Variants in PXDNL observed in about 807,000 individuals in gnomAD.
The protein encoded by PXDNL is peroxidasin like.
PXDNL carries 145 observed loss-of-function variants against 150.8 expected under a neutral mutation model. That is an observed-to-expected ratio of 0.96 (90% CI 0.84 to 1.10). The LOEUF (loss-of-function observed/expected upper bound fraction) is 1.10, where lower values mean the gene tolerates loss of function less well. PXDNL is among the 50% of genes least tolerant of loss of function. The pLI, the probability that PXDNL is intolerant of heterozygous loss-of-function variation, is 0.00. For missense variants in PXDNL, 2,087 were observed against 1,873.9 expected (o/e 1.11, Z -2.10); for synonymous variants, 757 against 725.7 (o/e 1.04, Z -0.69).
At chr8:51,578,292 A>T (rs1813134028) in intron 3 of PXDNL, among the ~76,000 whole-genome samples, 1 of 151,974 alleles carries the variant, frequency 6.6e-6, no homozygotes, top group African/African-American at 2.4e-5. Flanking sequence ...GTCACAGTAT[A>T]CAAGGGAATA....
At chr8:51,369,928 A>G (rs1807046717) in intron 19 of PXDNL, among the ~76,000 whole-genome samples, 2 of 152,176 alleles carry the variant, frequency 1.3e-5, no homozygotes. Context: ...CCGAGTCTTC[A>G]ACATGGAACA....
At chr8:51,412,438 A>G (rs1424557210) in intron 15 of PXDNL, among the ~76,000 whole-genome samples, 1 of 152,200 alleles carries the variant, frequency 6.6e-6, no homozygotes, top group African/African-American at 2.4e-5. Context: ...GACAGAAAGT[A>G]ATGAAGTGAG....
chr8:51,661,002 C>T (rs533225659), intron 1 of PXDNL, among the ~76,000 whole-genome samples: 3 of 152,316 alleles, frequency 2.0e-5, no homozygotes, highest in Non-Finnish European at 2.9e-5. Flanking sequence ...GGGACACTGC[C>T]GCACTGCCCG....
chr8:51,768,267 T>G (rs530932895), intron 1 of PXDNL, among the ~76,000 whole-genome samples: 24 of 152,242 alleles, frequency 1.6e-4, no homozygotes, highest in South Asian at 8.3e-4. Flanking sequence ...GTGTTTTTTT[T>G]TTTTTGTTTT....
At chr8:51,434,762 G>C (rs1037990749) in intron 12 of PXDNL, among the ~76,000 whole-genome samples, 1 of 152,106 alleles carries the variant, frequency 6.6e-6, no homozygotes, top group African/African-American at 2.4e-5. Context: ...GCATTTATTA[G>C]ATGAGGAAAC....
chr8:51,579,491 G>A (rs180867187), intron 3 of PXDNL, among the ~76,000 whole-genome samples: 2 of 152,180 alleles, frequency 1.3e-5, no homozygotes, highest in Non-Finnish European at 2.9e-5. Context: ...ACATACTGGT[G>A]AGAATATAAA....
intron 1 of PXDNL, among the ~76,000 whole-genome samples, chr8:51,655,924 C>T (rs982355946): frequency 6.6e-6 from 1 of 152,116 alleles, no homozygotes; most frequent in Non-Finnish European, 1.5e-5. Flanking sequence ...TTGCCTGAGA[C>T]CAAATTTACT....
intron 1 of PXDNL, among the ~76,000 whole-genome samples, chr8:51,782,840 T>G (rs1384324248): frequency 2.0e-5 from 3 of 152,200 alleles, no homozygotes; most frequent in Non-Finnish European, 4.4e-5. Flanking sequence ...GAAAATTCAC[T>G]TTAGTGGCTT....
intron 17 of PXDNL, among the ~76,000 whole-genome samples, chr8:51,387,482 T>C (rs1163643962): frequency 6.6e-6 from 1 of 152,000 alleles, no homozygotes; most frequent in Non-Finnish European, 1.5e-5. Context: ...TAGGAAAAAA[T>C]CCTGAGAGAG....
chr8:51,359,090 A>G (rs948308762), intron 19 of PXDNL, among the ~76,000 whole-genome samples: 11 of 152,164 alleles, frequency 7.2e-5, no homozygotes, highest in African/African-American at 2.7e-4. Flanking sequence ...AGCCCAGCCC[A>G]GTGAACCTGT....
In PXDNL at chr8:51,447,177, A is replaced by G. The variant is rs764892422; in HGVS notation, c.1367-15T>C. On this transcript the variant is annotated splice_polypyrimidine_tract_variant and intron_variant, in intron 11 of 22. Transcript: ENST00000356297. Reference sequence around the variant, plus strand: ...GAGCTGCCCTCCTGCAAAAAGAGGTAAAGAAAGTATTCTTCATGGCCCAGA... The same window carrying G: ...GAGCTGCCCTCCTGCAAAAAGAGGTGAAGAAAGTATTCTTCATGGCCCAGA... The G allele has an allele frequency of 3.7e-6, 6 of 1,612,084 alleles. No individual in the cohort carries two copies. In the South Asian group the frequency reaches 5.5e-5, roughly 15 times the overall value.
intron 17 of PXDNL, among the ~76,000 whole-genome samples, chr8:51,405,107 G>A (rs1401693860): frequency 6.6e-6 from 1 of 152,146 alleles, no homozygotes; most frequent in Non-Finnish European, 1.5e-5. Context: ...GGAGTGCGGG[G>A]CCCACTGAGC....
intron 1 of PXDNL, among the ~76,000 whole-genome samples, chr8:51,719,521 C>A (rs540607632): frequency 2.0e-5 from 3 of 152,100 alleles, no homozygotes; most frequent in Admixed American, 6.5e-5. Flanking sequence ...CGCAGGGTCC[C>A]CTGCCTAGGA....
chr8:51,655,192 A>G (rs1206013430), intron 1 of PXDNL, among the ~76,000 whole-genome samples: 2 of 152,256 alleles, frequency 1.3e-5, no homozygotes, highest in Non-Finnish European at 2.9e-5. Flanking sequence ...ATTATTAATT[A>G]CTTAATTTTT....
chr8:51,625,773 G>C (rs1814350409), intron 2 of PXDNL, among the ~76,000 whole-genome samples: 1 of 152,152 alleles, frequency 6.6e-6, no homozygotes. Flanking sequence ...TGATTTCCTG[G>C]CTAATGCCCA....
intron 1 of PXDNL, among the ~76,000 whole-genome samples, chr8:51,804,726 T>C (rs771247792): frequency 6.6e-6 from 1 of 152,166 alleles, no homozygotes; most frequent in African/African-American, 2.4e-5. Context: ...AGGCAGCACT[T>C]AGTGTAGGGA....
At chr8:51,533,688 T>G (rs547883423) in intron 4 of PXDNL, among the ~76,000 whole-genome samples, 79 of 151,062 alleles carry the variant, frequency 5.2e-4, no homozygotes, top group African/African-American at 1.6e-3. Flanking sequence ...GGTTTTGCTG[T>G]GTTGGCCGGG....
In PXDNL at chr8:51,730,431, T is replaced by G. The variant is rs114820344; in HGVS notation, c.165-75671A>C. ...TCATAATCTGGGTGTCATCAAACTA[T>G]AAGCCTTATTTTGGAGTGATAGGAA... On this transcript the variant is annotated intron_variant, in intron 1 of 22. Transcript: ENST00000356297. Among the ~76,000 whole-genome samples the G allele has an allele frequency of 3.6e-3, 549 of 152,360 alleles. 5 individuals carry two copies. Among genetic ancestry groups the G allele is most frequent in the African/African-American group, 0.013 (521 of 41,588 alleles).
intron 1 of PXDNL, among the ~76,000 whole-genome samples, chr8:51,659,100 T>C (rs970135468): frequency 1.2e-4 from 19 of 152,344 alleles, no homozygotes; most frequent in African/African-American, 4.1e-4. Context: ...AAATGTAGCA[T>C]TGTATTTTTA....
Sources: gnomAD v4.1 joint callset for allele counts (sites outside exome capture counted in the v4.1 genomes callset) on GRCh38, gnomAD v4.1.1 for gene constraint, MANE v1.5 for transcripts, NCBI Gene and HGNC (gene_info 2026-07-23, HGNC 2026-07-21) for gene names.